RBFOX1: variants seen among roughly 807,000 people sequenced by gnomAD.
RBFOX1 encodes the protein RNA binding protein fox-1 homolog 1.
RBFOX1 carries 8 observed loss-of-function variants against 57.7 expected under a neutral mutation model. The ratio of observed to expected loss-of-function variants is 0.14; its 90% CI spans 0.08 to 0.25. The LOEUF (loss-of-function observed/expected upper bound fraction) is 0.25, where lower values mean the gene tolerates loss of function less well. Ranked by LOEUF, RBFOX1 falls within the 10% of genes least tolerant of loss-of-function variation. The pLI is 1.00. For synonymous variants in RBFOX1, 326 were observed against 222.4 expected, an observed-to-expected ratio of 1.47 and a Z score of -4.15; for missense variants, 611 against 548.5, an observed-to-expected ratio of 1.11 and a Z score of -1.14.
chr16:6,615,954 C>A (rs138838799), intron 2 of RBFOX1, among the ~76,000 whole-genome samples: 120 of 152,210 alleles, frequency 7.9e-4, no homozygotes, highest in African/African-American at 2.7e-3. Context: ...ACAGTGGTAC[C>A]GGTCCCTTGA....
chr16:6,153,895 A>G (rs998418362), intron 1 of RBFOX1, among the ~76,000 whole-genome samples: 1 of 152,250 alleles, frequency 6.6e-6, no homozygotes, highest in East Asian at 1.9e-4. Context: ...GAGTGAGAAC[A>G]TACAATGTTT....
intron 1 of RBFOX1, among the ~76,000 whole-genome samples, chr16:6,175,366 TCTC>T (rs746138557): frequency 6.6e-6 from 1 of 152,134 alleles, no homozygotes. Context: ...GGAAATTTCT[TCTC>T]CTGGAGATTT....
intron 1 of RBFOX1, chr16:5,270,064 G>A (rs550246579): frequency 9.4e-4 from 181 of 193,546 alleles, no homozygotes; most frequent in African/African-American, 4.1e-3. Flanking sequence ...GGAGACTGAG[G>A]TGGGCAGATC....
chr16:6,859,121 A>ACG lies in RBFOX1; in HGVS notation c.-15-192936_-15-192935insCG, dbSNP rs1442946794. Among the ~76,000 whole-genome samples, 15 of 64,546 alleles carry ACG rather than the reference A, an allele frequency of 2.3e-4. 1 individual carries two copies. Among genetic ancestry groups the ACG allele is most frequent in the African/African-American group, 8.4e-4 (9 of 10,658 alleles). The allele number at this position is 64,546 out of a possible 152,430, so 42.3% of individuals were successfully genotyped here. A position where few individuals can be genotyped will look rare whatever the true frequency, so the allele number is the denominator to read the frequency against. Reference sequence around the variant, plus strand: ...TGTCCTAAAAAAAGTGTATATATATATATATATACATATATATACGTATAT... The same window carrying ACG: ...TGTCCTAAAAAAAGTGTATATATATACGTATATATACATATATATACGTATAT... On this transcript the variant is annotated intron_variant, in intron 3 of 15. Coordinates refer to ENST00000550418, the MANE Select transcript of RBFOX1 (RefSeq NM_018723.4).
chr16:6,304,540 A>T (rs2079222153), intron 1 of RBFOX1, among the ~76,000 whole-genome samples: 2 of 151,976 alleles, frequency 1.3e-5, no homozygotes, highest in African/African-American at 4.8e-5. Context: ...TGAGGAGGGG[A>T]GACGAATGGC....
At chr16:6,237,703 T>C (rs992519280) in intron 1 of RBFOX1, among the ~76,000 whole-genome samples, 1 of 151,880 alleles carries the variant, frequency 6.6e-6, no homozygotes, top group African/African-American at 2.4e-5. Context: ...ATCACACCAC[T>C]ACACTCCAGC....
chr16:5,584,864 G>T (rs751458199), intron 2 of RBFOX1, among the ~76,000 whole-genome samples: 3 of 152,096 alleles, frequency 2.0e-5, no homozygotes, highest in Non-Finnish European at 2.9e-5. Context: ...GGAGAGGAAA[G>T]CTTCTTTTGA....
At chr16:5,560,751 C>G (rs1199440903) in intron 2 of RBFOX1, among the ~76,000 whole-genome samples, 1 of 152,180 alleles carries the variant, frequency 6.6e-6, no homozygotes, top group Non-Finnish European at 1.5e-5. Flanking sequence ...TTGGACTTCT[C>G]TGGACAAGAT....
chr16:7,531,285 A>C (rs1317394371), intron 5 of RBFOX1, among the ~76,000 whole-genome samples: 1 of 152,224 alleles, frequency 6.6e-6, no homozygotes, highest in Non-Finnish European at 1.5e-5. Flanking sequence ...AGGAAGTTAC[A>C]AAAGAGGAAG....
intron 2 of RBFOX1, among the ~76,000 whole-genome samples, chr16:6,486,143 T>C (rs1374927953): frequency 7.1e-6 from 1 of 140,480 alleles, no homozygotes; most frequent in Non-Finnish European, 1.5e-5. Context: ...ATAGTTGCAA[T>C]ATTTGGAAAA....
At chr16:5,817,646 A>G (rs921136222) in intron 3 of RBFOX1, among the ~76,000 whole-genome samples, 3 of 150,976 alleles carry the variant, frequency 2.0e-5, no homozygotes, top group African/African-American at 7.3e-5. Context: ...GTTCATGAAG[A>G]TGGGGCTGGA....
chr16:6,134,506 G>T (rs1174120811), intron 1 of RBFOX1, among the ~76,000 whole-genome samples: 1 of 152,094 alleles, frequency 6.6e-6, no homozygotes, highest in Non-Finnish European at 1.5e-5. Flanking sequence ...GCCTGATCCT[G>T]TGAGCTCGGG....
intron 1 of RBFOX1, among the ~76,000 whole-genome samples, chr16:6,075,115 A>G (rs922851642): frequency 6.6e-6 from 1 of 152,178 alleles, no homozygotes; most frequent in Non-Finnish European, 1.5e-5. Context: ...TGGTGCTCCC[A>G]TTTATCACAT....
chr16:5,524,909 C>G (rs1470580606), intron 2 of RBFOX1, among the ~76,000 whole-genome samples: 1 of 152,102 alleles, frequency 6.6e-6, no homozygotes, highest in Non-Finnish European at 1.5e-5. Context: ...CTTCCCAGCC[C>G]CACAAGTCCC....
intron 3 of RBFOX1, among the ~76,000 whole-genome samples, chr16:5,660,498 T>C (rs111360960): frequency 7.0e-4 from 106 of 152,260 alleles, no homozygotes; most frequent in African/African-American, 2.4e-3. Flanking sequence ...ATGCCATACG[T>C]TGTGTGTGAT....
At chr16:6,373,411 T>G (rs2090756676) in intron 2 of RBFOX1, among the ~76,000 whole-genome samples, 1 of 151,088 alleles carries the variant, frequency 6.6e-6, no homozygotes, top group Non-Finnish European at 1.5e-5. Flanking sequence ...CATTGTTGGG[T>G]GCAATGGAGA....
chr16:6,973,799 A>AG (rs1258228984), intron 3 of RBFOX1, among the ~76,000 whole-genome samples: 3 of 152,088 alleles, frequency 2.0e-5, no homozygotes, highest in African/African-American at 7.2e-5. Context: ...TTTAAGTTCC[A>AG]GGGTACATGT....
intron 3 of RBFOX1, among the ~76,000 whole-genome samples, chr16:6,966,556 C>G (rs969080792): frequency 3.3e-5 from 5 of 151,960 alleles, no homozygotes; most frequent in Non-Finnish European, 7.4e-5. Flanking sequence ...TATGCAATGT[C>G]TTTGAGAAAG....
intron 14 of RBFOX1, among the ~76,000 whole-genome samples, chr16:7,685,135 C>G (rs2075782416): frequency 1.3e-5 from 2 of 152,048 alleles, no homozygotes. Context: ...TTCCCAGACT[C>G]CAGAATGACT....
Sources: allele counts gnomAD v4.1 joint callset (sites outside exome capture counted in the v4.1 genomes callset), GRCh38; gene constraint gnomAD v4.1.1; transcripts MANE v1.5; gene names NCBI Gene and HGNC (gene_info 2026-07-23, HGNC 2026-07-21).